The following LPGAT1 variants were observed in gnomAD, a reference collection of about 807,000 sequenced individuals.
LPGAT1 encodes lysophosphatidylglycerol acyltransferase 1.
A neutral mutation model predicts 47.5 loss-of-function variants in LPGAT1; 11 were observed. That is an observed-to-expected ratio of 0.23 (90% CI 0.15 to 0.38). LPGAT1 has a LOEUF of 0.38. Among genes scored for constraint, LPGAT1 ranks in the 10% least tolerant of loss-of-function variants. The probability of loss-of-function intolerance (pLI) is 1.00; values close to 1 mark genes in which losing one functional copy is unlikely to be tolerated. For synonymous variants in LPGAT1, 138 were observed against 144.2 expected (o/e 0.96, Z 0.31); for missense variants, 293 against 439.0 (o/e 0.67, Z 2.97).
At position 211,800,950 on chromosome 1, in the gene LPGAT1, T is replaced by G. The variant is rs76226090; in HGVS notation, c.239-7760A>C. 2.8e-3 allele frequency among the ~76,000 whole-genome samples: 432 copies of G among 152,300 alleles called. 1 individual carries two copies. Among genetic ancestry groups the G allele is most frequent in the African/African-American group, 1.0e-2 (415 of 41,558 alleles). ...ATCTCCTCTAGGGAATTTGATCACC[T>G]CAAGAGGAAAGACCTAAAAATACTG... On this transcript the variant is annotated intron_variant, in intron 2 of 7. Coordinates refer to ENST00000366997, the MANE Select transcript of LPGAT1 (RefSeq NM_014873.3).
intron 2 of LPGAT1, among the ~76,000 whole-genome samples, chr1:211,811,912 A>C (rs1228475244): frequency 6.6e-6 from 1 of 152,246 alleles, no homozygotes; most frequent in Non-Finnish European, 1.5e-5. Flanking sequence ...CATTCATGGT[A>C]TAATGAAAAC....
At chr1:211,807,219 C>G (rs140902229) in intron 2 of LPGAT1, among the ~76,000 whole-genome samples, 34 of 152,152 alleles carry the variant, frequency 2.2e-4, no homozygotes, top group Admixed American at 1.0e-3. Flanking sequence ...AACACATGAA[C>G]AAGATCTATA....
chr1:211,800,731 G>A (rs1050020499), intron 2 of LPGAT1, among the ~76,000 whole-genome samples: 2 of 152,186 alleles, frequency 1.3e-5, no homozygotes, highest in African/African-American at 2.4e-5. Flanking sequence ...TCTCCTTTGA[G>A]AAGCACTAAG....
intron 2 of LPGAT1, among the ~76,000 whole-genome samples, chr1:211,827,590 A>G (rs549322738): frequency 7.9e-5 from 12 of 152,348 alleles, no homozygotes; most frequent in African/African-American, 2.2e-4. Context: ...AGTATACTAT[A>G]CAAGAATAAA....
intron 2 of LPGAT1, among the ~76,000 whole-genome samples, chr1:211,820,912 T>C (rs1241481696): frequency 6.6e-6 from 1 of 152,140 alleles, no homozygotes; most frequent in Non-Finnish European, 1.5e-5. Flanking sequence ...ATAAAGTTAC[T>C]AGATATGAGA....
chr1:211,753,454 A>G (rs116575220), intron 6 of LPGAT1, among the ~76,000 whole-genome samples: 253 of 151,620 alleles, frequency 1.7e-3, no homozygotes, highest in Middle Eastern at 3.4e-3. Context: ...CCTTTATTGT[A>G]TTTTATTTTT....
Position 211,744,252 on chromosome 1 carries a change from G to A in LPGAT1, c.*5647C>T, listed in dbSNP as rs1656856170. On this transcript the variant is annotated 3_prime_UTR_variant, in exon 8 of 8. Coordinates refer to ENST00000366997, the MANE Select transcript of LPGAT1 (RefSeq NM_014873.3). ...ATGGGGCAGTGGTGTGCTGGATACA[G>A]CCCCTACTGATTCCCAAGACCCAGT... 1 of 152,188 alleles carries A rather than the reference G, an allele frequency of 6.6e-6. No homozygotes were observed. Among genetic ancestry groups the A allele is most frequent in the African/African-American group, 2.4e-5 (1 of 41,438 alleles). The allele number at this position is 152,188 out of a possible 1,614,324, so 9.4% of individuals were successfully genotyped here. A position where few individuals can be genotyped will look rare whatever the true frequency, so the allele number is the denominator to read the frequency against.
At chr1:211,787,993 T>G (rs1348300819) in intron 3 of LPGAT1, among the ~76,000 whole-genome samples, 1 of 152,224 alleles carries the variant, frequency 6.6e-6, no homozygotes, top group African/African-American at 2.4e-5. Flanking sequence ...ACTTCTTAAA[T>G]TTGGACTTAA....
chr1:211,814,166 T>G (rs1003998661), intron 2 of LPGAT1, among the ~76,000 whole-genome samples: 1 of 152,234 alleles, frequency 6.6e-6, no homozygotes, highest in African/African-American at 2.4e-5. Context: ...ACACATTATT[T>G]ATTCATCCAC....
chr1:211,822,201 C>G (rs376736253), intron 2 of LPGAT1, among the ~76,000 whole-genome samples: 2 of 152,154 alleles, frequency 1.3e-5, no homozygotes, highest in South Asian at 4.1e-4. Context: ...AATACTGCCC[C>G]CTGAGCTTCT....
chr1:211,766,369 A>C (rs1657914660), intron 6 of LPGAT1, among the ~76,000 whole-genome samples: 1 of 152,180 alleles, frequency 6.6e-6, no homozygotes, highest in Admixed American at 6.5e-5. Flanking sequence ...CTTTATACAG[A>C]TGATCCTTGA....
intron 1 of LPGAT1, chr1:211,829,829 C>T: frequency 1.0e-6 from 1 of 985,604 alleles, no homozygotes; most frequent in Non-Finnish European, 1.2e-6. Context: ...GAAGAGTTAC[C>T]CTCAAAATTC....
intron 3 of LPGAT1, among the ~76,000 whole-genome samples, chr1:211,791,573 C>T (rs1372512723): frequency 1.3e-5 from 2 of 151,994 alleles, no homozygotes; most frequent in South Asian, 2.1e-4. Context: ...CATGGCGAAA[C>T]CCCGTCTCTA....
rs1267990343 is a variant in LPGAT1 at position 211,830,204 on chromosome 1, G to A, written c.-28+369C>T. On this transcript the variant is annotated intron_variant, in intron 1 of 7. Coordinates refer to ENST00000366997, the MANE Select transcript of LPGAT1 (RefSeq NM_014873.3). This position sits in a 1 kb window ranked among gnomAD's most constrained non-coding sequence, Gnocchi z 5.9. Reference sequence around the variant, plus strand: ...TCACCTCGGCGGGCGCGGACGGCGGGCGGCTGCGGAGAGCGGGGGCGGGTG... The same window carrying A: ...TCACCTCGGCGGGCGCGGACGGCGGACGGCTGCGGAGAGCGGGGGCGGGTG... 12 of 983,238 alleles carry A rather than the reference G, an allele frequency of 1.2e-5. No homozygotes were observed. In the Admixed American group the frequency reaches 2.5e-4, roughly 20 times the overall value. 60.9% of individuals were successfully genotyped at this position (983,238 alleles called of 1,614,324 possible).
intron 2 of LPGAT1, among the ~76,000 whole-genome samples, chr1:211,821,550 A>G (rs1660370112): frequency 6.6e-6 from 1 of 152,238 alleles, no homozygotes; most frequent in African/African-American, 2.4e-5. Context: ...AGAGAGAAGT[A>G]TAATAAGCTT....
At chr1:211,774,132 C>CTTTTTTTTTTTTTTTTTTTTTTTT (rs67342051) in intron 6 of LPGAT1, among the ~76,000 whole-genome samples, 1 of 66,820 alleles carries the variant, frequency 1.5e-5, no homozygotes, top group African/African-American at 6.6e-5. Context: ...TTTTAAAAGT[C>CTTTTTTTTTTTTTTTTTTTTTTTT]TTTTTTTTTT....
rs1656990178 is a variant in LPGAT1, at chr1:211,747,487, T to C, written c.*2412A>G. ...GTGTACAGTATATTTAACAATATCA[T>C]GTTCCTTTGGAGCACAGTGATGGCA... On this transcript the variant is annotated 3_prime_UTR_variant, in exon 8 of 8. Transcript: ENST00000366997. 6.6e-6 allele frequency: 1 copy of C among 152,248 alleles called. No homozygotes were observed. The allele number at this position is 152,248 out of a possible 1,614,324, so 9.4% of individuals were successfully genotyped here.
chr1:211,763,272 T>C (rs898436027), intron 6 of LPGAT1, among the ~76,000 whole-genome samples: 8 of 152,220 alleles, frequency 5.3e-5, no homozygotes, highest in African/African-American at 1.9e-4. Context: ...TCTGCTTTCA[T>C]GAATAGATTA....
chr1:211,810,878 G>A (rs905484931), intron 2 of LPGAT1, among the ~76,000 whole-genome samples: 1 of 152,134 alleles, frequency 6.6e-6, no homozygotes, highest in African/African-American at 2.4e-5. Context: ...CAGATTATAG[G>A]ATTACTTTTA....
Sources: allele counts gnomAD v4.1 joint callset (sites outside exome capture counted in the v4.1 genomes callset), GRCh38; gene constraint gnomAD v4.1.1; non-coding constraint Gnocchi (gnomAD v3.1); transcripts MANE v1.5; gene names NCBI Gene and HGNC (gene_info 2026-07-23, HGNC 2026-07-21).